The following VAV3 variants were observed in gnomAD, a reference collection of about 807,000 sequenced individuals.
VAV3 encodes the protein vav guanine nucleotide exchange factor 3.
In VAV3, 94 loss-of-function variants were observed where a neutral mutation model predicts 131.2. The observed-to-expected ratio is 0.72, with a 90% confidence interval of 0.61 to 0.85. The LOEUF (loss-of-function observed/expected upper bound fraction) is 0.85. Among genes scored for constraint, VAV3 ranks in the 40% least tolerant of loss-of-function variants. The pLI is 0.00. For missense variants in VAV3, 939 were observed against 1,002.7 expected (o/e 0.94, Z 0.86); for synonymous variants, 349 against 342.0 (o/e 1.02, Z -0.22).
intron 15 of VAV3, among the ~76,000 whole-genome samples, chr1:107,734,379 T>C (rs899246832): frequency 6.6e-6 from 1 of 152,126 alleles, no homozygotes; most frequent in African/African-American, 2.4e-5. Context: ...TAAATGTAAA[T>C]GGCCTAATCC....
intron 19 of VAV3, among the ~76,000 whole-genome samples, chr1:107,652,322 T>C (rs1251936164): frequency 6.6e-6 from 1 of 152,094 alleles, no homozygotes; most frequent in East Asian, 1.9e-4. Flanking sequence ...GCATGAATAA[T>C]CCACCCCTTG....
At chr1:107,897,664 TA>T (rs1383674077) in intron 1 of VAV3, among the ~76,000 whole-genome samples, 3 of 152,080 alleles carry the variant, frequency 2.0e-5, no homozygotes, top group African/African-American at 4.8e-5. Context: ...GGTAACTCAG[TA>T]AGTGCATAAA....
intron 2 of VAV3, among the ~76,000 whole-genome samples, chr1:107,784,910 A>T (rs763949440): frequency 2.6e-5 from 4 of 152,230 alleles, no homozygotes; most frequent in Non-Finnish European, 4.4e-5. Flanking sequence ...AATATGAGAC[A>T]GTGTTGTCTA....
At chr1:107,925,378 C>T (rs541831500) in intron 1 of VAV3, among the ~76,000 whole-genome samples, 3 of 152,004 alleles carry the variant, frequency 2.0e-5, no homozygotes, top group Non-Finnish European at 2.9e-5. Context: ...TTTGTATACC[C>T]GTATTCAGAG....
chr1:107,691,672 C>G (rs1412582413), intron 17 of VAV3, among the ~76,000 whole-genome samples: 1 of 152,164 alleles, frequency 6.6e-6, no homozygotes, highest in Non-Finnish European at 1.5e-5. Context: ...ATTGATCAAA[C>G]TATAAAACAT....
chr1:107,687,466 T>G (rs905451774), intron 18 of VAV3, among the ~76,000 whole-genome samples: 2 of 152,192 alleles, frequency 1.3e-5, no homozygotes. Flanking sequence ...TTTGAAATTT[T>G]CAGATTACTG....
chr1:107,746,991 T>C (rs907200582), intron 15 of VAV3, among the ~76,000 whole-genome samples: 3 of 152,088 alleles, frequency 2.0e-5, no homozygotes, highest in Non-Finnish European at 4.4e-5. Flanking sequence ...ACAATTCTCC[T>C]GCTTCAGTCT....
At chr1:107,717,199 CA>C (rs1661157957) in intron 15 of VAV3, among the ~76,000 whole-genome samples, 1 of 152,140 alleles carries the variant, frequency 6.6e-6, no homozygotes, top group African/African-American at 2.4e-5. Flanking sequence ...CTCCTGGACT[CA>C]CTGATTTTTT....
chr1:107,584,954 T>C (rs1468297181), intron 25 of VAV3, among the ~76,000 whole-genome samples: 1 of 152,226 alleles, frequency 6.6e-6, no homozygotes, highest in Non-Finnish European at 1.5e-5. Context: ...ACTGCTAAGA[T>C]ATCATAGGAG....
intron 25 of VAV3, among the ~76,000 whole-genome samples, chr1:107,587,026 CT>C (rs1269621950): frequency 6.6e-6 from 1 of 151,992 alleles, no homozygotes; most frequent in Non-Finnish European, 1.5e-5. Context: ...TTTAAAAAAA[CT>C]TGTATTAGGG....
intron 1 of VAV3, among the ~76,000 whole-genome samples, chr1:107,957,021 A>G (rs759379772): frequency 5.3e-4 from 80 of 152,184 alleles, no homozygotes; most frequent in Non-Finnish European, 8.5e-4. Context: ...GTATTAGTAG[A>G]ACAAACCCAA....
intron 2 of VAV3, among the ~76,000 whole-genome samples, chr1:107,849,368 T>C (rs976855593): frequency 6.6e-6 from 1 of 151,858 alleles, no homozygotes; most frequent in Admixed American, 6.6e-5. Context: ...ATGGTACTGA[T>C]ACCAAAACAG....
intron 15 of VAV3, among the ~76,000 whole-genome samples, chr1:107,722,286 T>G (rs1160580197): frequency 6.6e-6 from 1 of 152,204 alleles, no homozygotes; most frequent in Non-Finnish European, 1.5e-5. Context: ...GAGTAAAATA[T>G]TCTGCAGAGC....
At chr1:107,899,138 T>TG (rs1671743740) in intron 1 of VAV3, among the ~76,000 whole-genome samples, 1 of 152,236 alleles carries the variant, frequency 6.6e-6, no homozygotes, top group African/African-American at 2.4e-5. Flanking sequence ...CCTACAAGGG[T>TG]GGGGGCAGAA....
intron 15 of VAV3, among the ~76,000 whole-genome samples, chr1:107,705,724 C>A (rs1660408359): frequency 6.6e-6 from 1 of 152,152 alleles, no homozygotes; most frequent in African/African-American, 2.4e-5. Flanking sequence ...CAGACTGTGA[C>A]AACCATATGA....
At chr1:107,656,340 T>C (rs1033288393) in intron 19 of VAV3, among the ~76,000 whole-genome samples, 1 of 152,170 alleles carries the variant, frequency 6.6e-6, no homozygotes, top group African/African-American at 2.4e-5. Flanking sequence ...GAGGTTATTA[T>C]GTTAAGTAAA....
chr1:107,943,591 A>C (rs1294957096), intron 1 of VAV3, among the ~76,000 whole-genome samples: 1 of 152,130 alleles, frequency 6.6e-6, no homozygotes, highest in Non-Finnish European at 1.5e-5. Context: ...AAAGTACAAA[A>C]ATTAGCTGGG....
At chr1:107,901,536 G>A (rs1028017396) in intron 1 of VAV3, among the ~76,000 whole-genome samples, 3 of 152,026 alleles carry the variant, frequency 2.0e-5, no homozygotes, top group Non-Finnish European at 2.9e-5. Flanking sequence ...AAAAAATGAG[G>A]GTGTGGTGGT....
intron 6 of VAV3, among the ~76,000 whole-genome samples, chr1:107,769,143 A>G (rs1664899360): frequency 6.6e-6 from 1 of 152,208 alleles, no homozygotes; most frequent in Non-Finnish European, 1.5e-5. Flanking sequence ...GAATTGGGTC[A>G]GCCAGTCCAC....
Sources: gnomAD v4.1 joint callset for allele counts (sites outside exome capture counted in the v4.1 genomes callset) on GRCh38, gnomAD v4.1.1 for gene constraint, MANE v1.5 for transcripts, NCBI Gene and HGNC (gene_info 2026-07-23, HGNC 2026-07-21) for gene names.